Variants in IGSF21 observed in about 807,000 individuals in gnomAD.
The protein encoded by IGSF21 is immunoglobin superfamily member 21, also known as immunoglobulin superfamily member 21.
In IGSF21, 28 loss-of-function variants were observed where a neutral mutation model predicts 46.8. The ratio of observed to expected loss-of-function variants is 0.60; its 90% CI spans 0.44 to 0.82. IGSF21 has a LOEUF of 0.82. IGSF21 is among the 40% of genes least tolerant of loss of function. IGSF21 has a pLI of 0.00. For synonymous variants in IGSF21, 284 were observed against 273.6 expected, an observed-to-expected ratio of 1.04 and a Z score of -0.38; for missense variants, 624 against 665.5, an observed-to-expected ratio of 0.94 and a Z score of 0.69.
intron 6 of IGSF21, among the ~76,000 whole-genome samples, chr1:18,366,873 C>G (rs1461834295): frequency 6.6e-6 from 1 of 152,160 alleles, no homozygotes; most frequent in African/African-American, 2.4e-5. Flanking sequence ...ACTGGTCCTC[C>G]CCACTGACTC....
intron 9 of IGSF21, among the ~76,000 whole-genome samples, chr1:18,377,974 C>A (rs941919914): frequency 1.3e-5 from 2 of 152,194 alleles, no homozygotes; most frequent in Non-Finnish European, 2.9e-5. Flanking sequence ...CACACCCCCT[C>A]CCTACATGGA....
intron 2 of IGSF21, among the ~76,000 whole-genome samples, chr1:18,283,318 G>T (rs2085180743): frequency 6.6e-6 from 1 of 152,260 alleles, no homozygotes; most frequent in African/African-American, 2.4e-5. Context: ...ACAAGGGAGA[G>T]CAGGGACTGC....
intron 1 of IGSF21, among the ~76,000 whole-genome samples, chr1:18,194,844 G>A (rs1447994164): frequency 2.6e-5 from 4 of 152,148 alleles, no homozygotes; most frequent in African/African-American, 9.7e-5. Flanking sequence ...CCCAAGACTG[G>A]GTAATTTATA....
chr1:18,119,345 T>C lies in IGSF21; in HGVS notation c.70+11147T>C, dbSNP rs2086213394. Among the ~76,000 whole-genome samples, 2 of 152,224 alleles carry C rather than the reference T, an allele frequency of 1.3e-5. 1 individual carries two copies. The highest frequency in any genetic ancestry group is 4.1e-4 in the South Asian group (2 of 4,834). On this transcript the variant is annotated intron_variant, in intron 1 of 9. Transcript: ENST00000251296. ...CATGTGTGACTACTGACATTTAAATTAAAACTAAGCAAGTTTTCTCAGCTT... is the reference window on the plus strand; with the variant it reads ...CATGTGTGACTACTGACATTTAAATCAAAACTAAGCAAGTTTTCTCAGCTT...
chr1:18,178,794 C>T (rs973150278), intron 1 of IGSF21, among the ~76,000 whole-genome samples: 4 of 151,942 alleles, frequency 2.6e-5, no homozygotes, highest in Non-Finnish European at 4.4e-5. Context: ...TCCCAGAGGA[C>T]GGGTCTGTGC....
intron 2 of IGSF21, among the ~76,000 whole-genome samples, chr1:18,270,156 G>T (rs762051960): frequency 6.6e-6 from 1 of 152,158 alleles, no homozygotes; most frequent in Admixed American, 6.5e-5. Flanking sequence ...CATTTCTTGT[G>T]GTTGAACTAC....
intron 2 of IGSF21, among the ~76,000 whole-genome samples, chr1:18,276,551 C>T (rs1298125287): frequency 6.6e-6 from 1 of 152,010 alleles, no homozygotes; most frequent in Non-Finnish European, 1.5e-5. Context: ...AGGGAGAGAT[C>T]GTAGACCCCC....
rs147177830 is a variant in IGSF21, at chr1:18,133,734, G to A, written c.70+25536G>A. On this transcript the variant is annotated intron_variant, in intron 1 of 9. Coordinates refer to ENST00000251296, the MANE Select transcript of IGSF21 (RefSeq NM_032880.5). ...TCGGTTTATAATGACACGTCCTCAG[G>A]CCAAATCCTTCACTATTGGACAACT... is the stretch of plus-strand genomic sequence containing the variant. Among the ~76,000 whole-genome samples the A allele has an allele frequency of 3.3e-3, 499 of 152,314 alleles. 2 individuals are homozygous for A. Among genetic ancestry groups the A allele is most frequent in the Middle Eastern group, 0.01 (3 of 294 alleles).
chr1:18,118,152 G>T lies in IGSF21; in HGVS notation c.70+9954G>T, dbSNP rs188854636. On this transcript the variant is annotated intron_variant, in intron 1 of 9. Transcript: ENST00000251296. ...CTTTGGGGTTTTTTTTTGTTCCTTT[G>T]CCAAGCTGTTCCCTTTGCCCTTTTG... Among the ~76,000 whole-genome samples the T allele has an allele frequency of 7.9e-5, 12 of 152,236 alleles. No individual in the cohort carries two copies. The East Asian group carries it at 1.7e-3, about 22-fold the overall frequency.
intron 1 of IGSF21, among the ~76,000 whole-genome samples, chr1:18,225,085 T>TCTCTCTCTCTCTCTCTCACA: frequency 2.3e-3 from 117 of 51,594 alleles, no homozygotes; most frequent in African/African-American, 2.6e-3. Context: ...TCTCTCTCTC[T>TCTCTCTCTCTCTCTCTCACA]CACACACACA....
chr1:18,362,231 G>A lies in IGSF21; in HGVS notation c.540+1G>A, dbSNP rs1294093195. ...GTCTGGAGGAAAACCAGCACCCATG[G>A]TGAGTACCCCTGGAGTGCCCAGCTC... On this transcript the variant is annotated splice_donor_variant, in intron 5 of 9. Transcript: ENST00000251296. LOFTEE classifies it high-confidence loss of function. 5 of 1,606,220 alleles carry A rather than the reference G, an allele frequency of 3.1e-6. No homozygotes were observed. Among genetic ancestry groups the A allele is most frequent in the Non-Finnish European group, 4.3e-6 (5 of 1,175,242 alleles).
intron 4 of IGSF21, among the ~76,000 whole-genome samples, chr1:18,353,615 A>G (rs2085983605): frequency 6.6e-6 from 1 of 152,192 alleles, no homozygotes; most frequent in South Asian, 2.1e-4. Context: ...AAGAGAGCTT[A>G]GCTTAGATTG....
At chr1:18,228,112 C>T in intron 2 of IGSF21, 102 bp downstream of exon 2, 3 of 871,388 alleles carry the variant, frequency 3.4e-6, no homozygotes, top group Non-Finnish European at 5.6e-6. Context: ...GACCTCAGCC[C>T]TGACCCAGTC....
chr1:18,252,344 C>T (rs573284277), intron 2 of IGSF21, among the ~76,000 whole-genome samples: 7 of 152,276 alleles, frequency 4.6e-5, no homozygotes, highest in Non-Finnish European at 7.4e-5. Flanking sequence ...CCACTGCACC[C>T]GGCCTGACCA....
chr1:18,326,564 C>T (rs2085660225), intron 3 of IGSF21, among the ~76,000 whole-genome samples: 1 of 152,242 alleles, frequency 6.6e-6, no homozygotes, highest in Non-Finnish European at 1.5e-5. Context: ...TGAATCTTCT[C>T]TGTTAGCCCA....
intron 1 of IGSF21, among the ~76,000 whole-genome samples, chr1:18,187,080 ATT>A (rs565249264): frequency 6.7e-6 from 1 of 148,786 alleles, no homozygotes; most frequent in African/African-American, 2.5e-5. Flanking sequence ...ACTATAGATT[ATT>A]TTTTTTTTTC....
chr1:18,359,715 G>A (rs1006985438), intron 4 of IGSF21, among the ~76,000 whole-genome samples: 1 of 152,212 alleles, frequency 6.6e-6, no homozygotes, highest in Non-Finnish European at 1.5e-5. Context: ...AACTGCAGAG[G>A]TCACTGATCT....
chr1:18,372,025 T>C (rs113518685), intron 6 of IGSF21, among the ~76,000 whole-genome samples: 6 of 152,258 alleles, frequency 3.9e-5, no homozygotes, highest in African/African-American at 1.2e-4. Flanking sequence ...AGTGCACAAT[T>C]TGACAGATTT....
At chr1:18,303,367 G>A (rs2085379858) in intron 3 of IGSF21, among the ~76,000 whole-genome samples, 1 of 152,116 alleles carries the variant, frequency 6.6e-6, no homozygotes, top group Non-Finnish European at 1.5e-5. Context: ...AGAGCTCCCC[G>A]TTAAGGCAGA....
Sources: gnomAD v4.1 joint callset for allele counts (sites outside exome capture counted in the v4.1 genomes callset) on GRCh38, gnomAD v4.1.1 for gene constraint, MANE v1.5 for transcripts, NCBI Gene and HGNC (gene_info 2026-07-23, HGNC 2026-07-21) for gene names.